ZZEF1: variants seen among roughly 807,000 people sequenced by gnomAD.
ZZEF1 encodes zinc finger ZZ-type and EF-hand domain-containing protein 1.
In ZZEF1, 157 loss-of-function variants were observed where a neutral mutation model predicts 342.8. The ratio of observed to expected loss-of-function variants is 0.46; its 90% CI spans 0.40 to 0.52. The LOEUF (loss-of-function observed/expected upper bound fraction) is 0.52. Ranked by LOEUF, ZZEF1 falls within the 20% of genes least tolerant of loss-of-function variation. The pLI is 0.00. For synonymous variants in ZZEF1, 1,505 were observed against 1,429.1 expected, an observed-to-expected ratio of 1.05 and a Z score of -1.20; for missense variants, 3,480 against 3,725.6, an observed-to-expected ratio of 0.93 and a Z score of 1.72.
At chr17:4,138,523 T>C (rs897649899) in intron 1 of ZZEF1, among the ~76,000 whole-genome samples, 3 of 152,166 alleles carry the variant, frequency 2.0e-5, no homozygotes, top group Non-Finnish European at 2.9e-5. Flanking sequence ...CTACAACTTC[T>C]ACAGTCTCCC....
chr17:4,034,350 AAATATTATATCT>A (rs2056615704), intron 39 of ZZEF1, 58 bp from the exon 40 acceptor site: 2 of 1,575,644 alleles, frequency 1.3e-6, no homozygotes, highest in Non-Finnish European at 1.7e-6. Context: ...CAAACTTGCT[AAATATTATATCT>A]CCCTCCTACC....
rs2055815167 is a variant in ZZEF1 at position 4,006,978 on chromosome 17, G to A, written c.8806-8C>T. On this transcript the variant is annotated splice_region_variant and splice_polypyrimidine_tract_variant and intron_variant, in intron 54 of 54. Coordinates refer to ENST00000381638, the MANE Select transcript of ZZEF1 (RefSeq NM_015113.4). ...AGCAATGTTCTGCAGAGCCTGTAGA[G>A]GGAAAAAGAGTTGTCGCCAATGTCG... The A allele has an allele frequency of 2.5e-6, 4 of 1,578,224 alleles. No individual in the cohort carries two copies. The highest frequency in any genetic ancestry group is 1.8e-5 in the Admixed American group (1 of 54,596).
At position 4,099,776 on chromosome 17, in the gene ZZEF1, C is replaced by A. The variant is rs571164462; in HGVS notation, c.1672+2541G>T. Among the ~76,000 whole-genome samples the A allele has an allele frequency of 3.9e-5, 6 of 152,234 alleles. No individual in the cohort carries two copies. The South Asian group carries it at 1.2e-3, about 32-fold the overall frequency. On this transcript the variant is annotated intron_variant, in intron 9 of 54. Coordinates refer to ENST00000381638, the MANE Select transcript of ZZEF1 (RefSeq NM_015113.4). ...GGCCAGGCTGGTCTCGAACTCCTGACCTCAGGTGATCTGCCTGCTTCGGCC... is the reference window on the plus strand; with the variant it reads ...GGCCAGGCTGGTCTCGAACTCCTGAACTCAGGTGATCTGCCTGCTTCGGCC...
chr17:4,098,848 G>A (rs2058081481), intron 9 of ZZEF1, among the ~76,000 whole-genome samples: 1 of 152,136 alleles, frequency 6.6e-6, no homozygotes, highest in Admixed American at 6.5e-5. Context: ...CAATTCTATA[G>A]GCAATTTTAA....
chr17:4,058,123 G>GT lies in ZZEF1; in HGVS notation c.5035dup (p.Thr1679AsnfsTer15). 6.2e-7 allele frequency: 1 copy of GT among 1,613,942 alleles called. No individual in the cohort carries two copies. The highest frequency in any genetic ancestry group is 1.3e-5 in the African/African-American group (1 of 75,026). ...CATATCCAAAAGATGAAGCAGGGCT[G>GT]TCTGAACACAGGATAAGGCAGGGAG... is the stretch of plus-strand genomic sequence containing the variant. On this transcript the variant is annotated frameshift_variant, in exon 32 of 55. Transcript: ENST00000381638. LOFTEE classifies it high-confidence loss of function.
At chr17:4,025,859 A>G (rs1453493163) in intron 42 of ZZEF1, among the ~76,000 whole-genome samples, 2 of 152,234 alleles carry the variant, frequency 1.3e-5, no homozygotes, top group Non-Finnish European at 2.9e-5. Flanking sequence ...GAGAAGGGAT[A>G]TAAACTAGAT....
Position 4,017,325 on chromosome 17 carries a change from G to C in ZZEF1, c.8001+46C>G. On this transcript the variant is annotated intron_variant, in intron 48 of 54. Coordinates refer to ENST00000381638, the MANE Select transcript of ZZEF1 (RefSeq NM_015113.4). The surrounding 1 kb of genome is among the most constrained non-coding windows in gnomAD (Gnocchi z 5.1). Reference sequence around the variant, plus strand: ...CTCACTGGAGGAAGCCTGTGGGGCAGAGGAAGAACCTGGTGGGTGAGCACA... The same window carrying C: ...CTCACTGGAGGAAGCCTGTGGGGCACAGGAAGAACCTGGTGGGTGAGCACA... 6.5e-7 allele frequency: 1 copy of C among 1,543,488 alleles called. No individual in the cohort carries two copies. The highest frequency in any genetic ancestry group is 8.7e-7 in the Non-Finnish European group (1 of 1,144,228).
At chr17:4,085,630 A>G in intron 16 of ZZEF1, 40 bp downstream of exon 16, 6 of 1,610,136 alleles carry the variant, frequency 3.7e-6, no homozygotes, top group Non-Finnish European at 5.1e-6. Flanking sequence ...TCATCCTCAC[A>G]GACTTCAGAC....
chr17:4,088,293 T>C (rs997008770), intron 13 of ZZEF1, among the ~76,000 whole-genome samples: 5 of 152,238 alleles, frequency 3.3e-5, no homozygotes, highest in Non-Finnish European at 7.3e-5. Flanking sequence ...TATTTTCGTA[T>C]TTTCAGTAAA....
At chr17:4,088,110 C>T in intron 13 of ZZEF1, among the ~76,000 whole-genome samples, 1 of 152,168 alleles carries the variant, frequency 6.6e-6, no homozygotes, top group East Asian at 1.9e-4. Context: ...AGAGTGGACA[C>T]TGCTATACAC....
At chr17:4,013,346 A>G (rs1482597430) in intron 52 of ZZEF1, 103 bp downstream of exon 52, 1 of 1,171,772 alleles carries the variant, frequency 8.5e-7, no homozygotes, top group African/African-American at 1.6e-5. Flanking sequence ...TTAAAGCCAC[A>G]AATGTCTTTT....
At chr17:4,067,023 T>C in intron 27 of ZZEF1, 140 bp downstream of exon 27, 1 of 658,228 alleles carries the variant, frequency 1.5e-6, no homozygotes, top group South Asian at 2.1e-5. Flanking sequence ...AATTGTTTTA[T>C]ATCTATTCAT....
At chr17:4,080,330 TGTTTTTTGTTTG>T (rs1555600733) in intron 18 of ZZEF1, among the ~76,000 whole-genome samples, 2 of 43,326 alleles carry the variant, frequency 4.6e-5, no homozygotes, top group Non-Finnish European at 1.8e-4. Flanking sequence ...ATTTTTTTTT[TGTTTTTTGTTTG>T]TTTGTTTGTT....
At chr17:4,122,607 C>T (rs1426525444) in intron 2 of ZZEF1, among the ~76,000 whole-genome samples, 3 of 152,214 alleles carry the variant, frequency 2.0e-5, no homozygotes, top group Admixed American at 1.3e-4. Flanking sequence ...TTTGAACTCC[C>T]GACCTCAGGT....
chr17:4,038,640 A>C (rs2056729726), intron 39 of ZZEF1, among the ~76,000 whole-genome samples: 1 of 152,074 alleles, frequency 6.6e-6, no homozygotes, highest in African/African-American at 2.4e-5. Flanking sequence ...CCCCGGCTCT[A>C]CTCAAAATAT....
intron 18 of ZZEF1, among the ~76,000 whole-genome samples, 172 bp downstream of exon 18, chr17:4,081,204 C>A (rs1480320520): frequency 6.6e-6 from 1 of 151,960 alleles, no homozygotes; most frequent in Non-Finnish European, 1.5e-5. Context: ...GCCACTGCAC[C>A]CCAGCCCGGG....
chr17:4,137,729 G>A (rs962173420), intron 1 of ZZEF1, among the ~76,000 whole-genome samples: 2 of 152,234 alleles, frequency 1.3e-5, no homozygotes, highest in African/African-American at 4.8e-5. Flanking sequence ...CAGGCAGGTG[G>A]CTGGCGGCCT....
intron 45 of ZZEF1, chr17:4,020,037 C>T (rs781859): frequency 0.44 from 153,741 of 347,982 alleles, 37,554 homozygotes; most frequent in African/African-American, 0.77. Flanking sequence ...ACAATGCTGA[C>T]AGTAGATACT....
intron 5 of ZZEF1, among the ~76,000 whole-genome samples, chr17:4,111,653 T>G (rs2058301960): frequency 1.7e-5 from 1 of 60,260 alleles, no homozygotes; most frequent in African/African-American, 8.0e-5. Context: ...TGCGAGGCTC[T>G]GTCTCAAAAA....
Sources: gnomAD v4.1 joint callset for allele counts (sites outside exome capture counted in the v4.1 genomes callset) on GRCh38, gnomAD v4.1.1 for gene constraint, Gnocchi (gnomAD v3.1) non-coding constraint, MANE v1.5 for transcripts, NCBI Gene and HGNC (gene_info 2026-07-23, HGNC 2026-07-21) for gene names.